PRELID2: variants seen among roughly 807,000 people sequenced by gnomAD.
The protein encoded by PRELID2 is PRELI domain containing 2.
Under a neutral mutation model 28.4 loss-of-function variants are expected in PRELID2, and 25 were observed. The ratio of observed to expected loss-of-function variants is 0.88; its 90% CI spans 0.64 to 1.23. PRELID2 has a LOEUF of 1.23. Among genes scored for constraint, PRELID2 ranks in the 50% most tolerant of loss-of-function variants. PRELID2 has a pLI of 0.00. For missense variants in PRELID2, 201 were observed against 214.4 expected, an observed-to-expected ratio of 0.94 and a Z score of 0.39; for synonymous variants, 76 against 71.6, an observed-to-expected ratio of 1.06 and a Z score of -0.31.
chr5:145,528,367 T>C (rs891741173), intron 1 of PRELID2, among the ~76,000 whole-genome samples: 9 of 152,122 alleles, frequency 5.9e-5, no homozygotes, highest in Admixed American at 2.6e-4. Flanking sequence ...ATTTGTTGAA[T>C]GACTAAATGC....
the PRELID2 span, among the ~76,000 whole-genome samples, chr5:145,350,584 G>A: frequency 1.3e-5 from 2 of 152,096 alleles, no homozygotes; most frequent in East Asian, 3.9e-4. Flanking sequence ...TTCTTTTGAG[G>A]AGCCTTCACT....
chr5:145,296,625 C>T, the PRELID2 span, among the ~76,000 whole-genome samples: 1 of 152,078 alleles, frequency 6.6e-6, no homozygotes, highest in Non-Finnish European at 1.5e-5. Flanking sequence ...AAGTCTTTGC[C>T]ATTGTGAATA....
chr5:145,714,583 A>G (rs2149712691), intron 1 of PRELID2, among the ~76,000 whole-genome samples: 1 of 152,282 alleles, frequency 6.6e-6, no homozygotes, highest in Non-Finnish European at 1.5e-5. Flanking sequence ...TTAAGTTCCT[A>G]TTAAGTGCTA....
intron 1 of PRELID2, among the ~76,000 whole-genome samples, chr5:145,586,988 C>T (rs950345739): frequency 1.3e-5 from 2 of 152,094 alleles, no homozygotes; most frequent in African/African-American, 4.8e-5. Context: ...CACGCACACA[C>T]ACAATTCAGT....
intron 1 of PRELID2, among the ~76,000 whole-genome samples, chr5:145,586,842 T>C (rs1453199274): frequency 1.3e-5 from 2 of 152,170 alleles, no homozygotes; most frequent in Non-Finnish European, 2.9e-5. Flanking sequence ...TAGATGGTTA[T>C]AAAGCCAGGA....
the PRELID2 span, among the ~76,000 whole-genome samples, chr5:145,445,306 T>C: frequency 3.3e-5 from 5 of 152,092 alleles, no homozygotes; most frequent in African/African-American, 1.2e-4. Context: ...TAAACGGTGC[T>C]GAGAAAACTG....
At chr5:145,731,811 G>T (rs1432415307) in intron 1 of PRELID2, among the ~76,000 whole-genome samples, 3 of 152,164 alleles carry the variant, frequency 2.0e-5, no homozygotes, top group Non-Finnish European at 4.4e-5. Context: ...TCATGTCCCT[G>T]ATTCCAGGGG....
In PRELID2 at chr5:145,576,490, T is replaced by C. The variant is rs560235642; in HGVS notation, n.71-103175A>G. On this transcript the variant is annotated intron_variant and non_coding_transcript_variant, in intron 1 of 2. Coordinates refer to the PRELID2 transcript ENST00000510259. ...TGAATAATATGTTATTGTACAGACA[T>C]ACCATATTTTATTTATCCACTCCTT... is the stretch of plus-strand genomic sequence containing the variant. Among the ~76,000 whole-genome samples the C allele has an allele frequency of 7.3e-4, 111 of 152,298 alleles. 1 individual carries two copies. Among genetic ancestry groups the C allele is most frequent in the Middle Eastern group, 6.8e-3 (2 of 294 alleles).
chr5:145,734,184 T>A (rs1203569764), intron 1 of PRELID2, among the ~76,000 whole-genome samples: 1 of 152,116 alleles, frequency 6.6e-6, no homozygotes, highest in Non-Finnish European at 1.5e-5. Context: ...GGCATGATCA[T>A]AACTCACTGC....
intron 1 of PRELID2, among the ~76,000 whole-genome samples, chr5:145,532,674 T>C (rs1475796464): frequency 6.6e-6 from 1 of 152,088 alleles, no homozygotes; most frequent in Non-Finnish European, 1.5e-5. Context: ...TCTACAAGTT[T>C]GAATTTTTTT....
At chr5:145,641,673 G>C (rs533619825) in intron 1 of PRELID2, among the ~76,000 whole-genome samples, 1 of 152,200 alleles carries the variant, frequency 6.6e-6, no homozygotes, top group Admixed American at 6.5e-5. Flanking sequence ...CCCCCCAGGG[G>C]GGCCCTGACA....
chr5:145,550,352 A>G (rs1161193150), intron 1 of PRELID2, among the ~76,000 whole-genome samples: 1 of 152,232 alleles, frequency 6.6e-6, no homozygotes, highest in Non-Finnish European at 1.5e-5. Flanking sequence ...ACCAGGACCT[A>G]TTAAACCAGA....
chr5:145,369,072 G>A, the PRELID2 span, among the ~76,000 whole-genome samples: 4 of 151,782 alleles, frequency 2.6e-5, no homozygotes, highest in South Asian at 4.2e-4. Context: ...AGTATTTGGG[G>A]TTTCTGTTCC....
At chr5:145,581,470 A>G (rs1296870357) in intron 1 of PRELID2, among the ~76,000 whole-genome samples, 1 of 152,058 alleles carries the variant, frequency 6.6e-6, no homozygotes, top group Non-Finnish European at 1.5e-5. Context: ...CAGTAAGACA[A>G]GTCTCTTGCA....
At chr5:145,273,947 TA>T in the PRELID2 span, among the ~76,000 whole-genome samples, 1 of 152,036 alleles carries the variant, frequency 6.6e-6, no homozygotes, top group Non-Finnish European at 1.5e-5. Flanking sequence ...TTCAAGGAGT[TA>T]GAAGAATACT....
intron 1 of PRELID2, among the ~76,000 whole-genome samples, chr5:145,616,852 A>G (rs1835972): frequency 0.18 from 26,702 of 152,114 alleles, 3,930 homozygotes; most frequent in African/African-American, 0.39. Flanking sequence ...GAATTTCCTC[A>G]TCCTAGTAAG....
chr5:145,827,852 GC>G (rs1453375862), intron 1 of PRELID2, among the ~76,000 whole-genome samples: 2 of 152,164 alleles, frequency 1.3e-5, no homozygotes, highest in Admixed American at 1.3e-4. Context: ...TGAATTGGAT[GC>G]TAGACTGGAA....
At chr5:145,769,822 A>G (rs935555723) in intron 5 of PRELID2, among the ~76,000 whole-genome samples, 6 of 152,262 alleles carry the variant, frequency 3.9e-5, no homozygotes, top group Non-Finnish European at 7.3e-5. Flanking sequence ...CCTGCACTCA[A>G]TGGACCATTG....
chr5:145,590,183 C>T (rs1753208629), intron 1 of PRELID2, among the ~76,000 whole-genome samples: 1 of 152,018 alleles, frequency 6.6e-6, no homozygotes, highest in Admixed American at 6.6e-5. Flanking sequence ...GTGCTTTCAC[C>T]AGAGTTTGTT....
Sources: allele counts gnomAD v4.1 joint callset (sites outside exome capture counted in the v4.1 genomes callset), GRCh38; gene constraint gnomAD v4.1.1; transcripts MANE v1.5; gene names NCBI Gene and HGNC (gene_info 2026-07-23, HGNC 2026-07-21).